The following PPP6R3 variants were observed in gnomAD, a reference collection of about 807,000 sequenced individuals.
PPP6R3 encodes the protein serine/threonine-protein phosphatase 6 regulatory subunit 3.
Under a neutral mutation model 110.7 loss-of-function variants are expected in PPP6R3, and 38 were observed. The observed-to-expected ratio is 0.34, with a 90% CI of 0.26 to 0.45. PPP6R3 has a LOEUF of 0.45. Ranked by LOEUF, PPP6R3 falls within the 20% of genes least tolerant of loss-of-function variation. The pLI, the probability that PPP6R3 is intolerant of heterozygous loss-of-function variation, is 1.00. For synonymous variants in PPP6R3, 369 were observed against 373.5 expected (o/e 0.99, Z 0.14); for missense variants, 870 against 1,062.4 (o/e 0.82, Z 2.52).
chr11:68,464,425 G>A (rs963049791), intron 1 of PPP6R3, among the ~76,000 whole-genome samples: 1 of 152,124 alleles, frequency 6.6e-6, no homozygotes, highest in Admixed American at 6.6e-5. Flanking sequence ...TACCATGCCC[G>A]GCCACGAGAA....
At chr11:68,599,885 AGGCCAAGGCGGGCGG>A (rs1193278060) in intron 19 of PPP6R3, among the ~76,000 whole-genome samples, 1 of 152,032 alleles carries the variant, frequency 6.6e-6, no homozygotes, top group African/African-American at 2.4e-5. Context: ...GCACTTTGGG[AGGCCAAGGCGGGCGG>A]TTCACGAGGT....
At position 68,614,094 on chromosome 11, in the gene PPP6R3, T is replaced by C. The variant is rs1944704097; in HGVS notation, c.*977T>C. 1.0e-6 allele frequency: 1 copy of C among 985,920 alleles called. No individual in the cohort carries two copies. Among genetic ancestry groups the C allele is most frequent in the Non-Finnish European group, 1.2e-6 (1 of 830,094 alleles). The allele number at this position is 985,920 out of a possible 1,614,324, so 61.1% of individuals were successfully genotyped here. On this transcript the variant is annotated 3_prime_UTR_variant, in exon 24 of 24. Transcript: ENST00000393800. ...AGTCAGTTGAAAATGCTCGTGCTGC[T>C]AATGGAATTAGAGTGCGTTCATTTT...
chr11:68,502,411 A>G (rs1054113249), intron 1 of PPP6R3, among the ~76,000 whole-genome samples: 3 of 152,194 alleles, frequency 2.0e-5, no homozygotes, highest in African/African-American at 7.2e-5. Context: ...CAGAGCATAT[A>G]TCAGAATTAT....
chr11:68,549,927 G>A (rs1409004427), intron 5 of PPP6R3, among the ~76,000 whole-genome samples: 1 of 152,186 alleles, frequency 6.6e-6, no homozygotes, highest in East Asian at 1.9e-4. Context: ...GAATAGCTGT[G>A]GAGACAGCAG....
intron 1 of PPP6R3, among the ~76,000 whole-genome samples, chr11:68,500,435 G>A (rs993456358): frequency 6.6e-6 from 1 of 152,164 alleles, no homozygotes; most frequent in Non-Finnish European, 1.5e-5. Context: ...GGATCTTGAG[G>A]AAGTTTCTCT....
At position 68,519,653 on chromosome 11, in the gene PPP6R3, T is replaced by C. The variant is rs1422426020; in HGVS notation, c.-7+2T>C. ...TAATTTTTAAACTTGGTTTGAAAGG[T>C]AAGACCATTACGATTAGCAGGAGTT... On this transcript the variant is annotated splice_donor_variant, in intron 2 of 23. Coordinates refer to ENST00000393800, the MANE Select transcript of PPP6R3 (RefSeq NM_001164161.2). LOFTEE classifies it low-confidence loss of function (5UTR_SPLICE). The C allele has an allele frequency of 2.5e-6, 1 of 398,542 alleles. No individual in the cohort carries two copies. The highest frequency in any genetic ancestry group is 4.4e-5 in the Admixed American group (1 of 22,726). 24.7% of individuals were successfully genotyped at this position (398,542 alleles called of 1,614,324 possible).
chr11:68,461,488 CGGGGGTGGG>C (rs2098707050), intron 1 of PPP6R3, among the ~76,000 whole-genome samples: 1 of 35,592 alleles, frequency 2.8e-5, no homozygotes, highest in African/African-American at 1.2e-4. Flanking sequence ...GTATTTGAGC[CGGGGGTGGG>C]GGGGGTGGGT....
chr11:68,603,191 T>G, intron 21 of PPP6R3, 151 bp from the exon 22 acceptor site: 1 of 973,430 alleles, frequency 1.0e-6, no homozygotes, highest in Non-Finnish European at 1.5e-6. Flanking sequence ...CCATCAAGAA[T>G]GTGGCCCAGA....
Position 68,548,203 on chromosome 11 carries a change from A to T in PPP6R3, c.551A>T (p.Asn184Ile), listed in dbSNP as rs1245556447. Residue 184 changes from asparagine to isoleucine, a missense_variant and splice_region_variant, in exon 5 of 24, where the codon AAT becomes ATT. Physicochemically the swap from Asn to Ile is moderately radical, Grantham distance 149. Coordinates refer to ENST00000393800, the MANE Select transcript of PPP6R3 (RefSeq NM_001164161.2). ...CCACAGCCCAGGCAAGATGTGCTGAATGTGAGTAGAATTCTGACCTGCTGT... is the reference window on the plus strand; with the variant it reads ...CCACAGCCCAGGCAAGATGTGCTGATTGTGAGTAGAATTCTGACCTGCTGT... ...EPPQPRQDVL[N>I]WLNEEKIIQR... 3.1e-6 allele frequency: 5 copies of T among 1,613,864 alleles called. No homozygotes were observed. The highest frequency in any genetic ancestry group is 1.3e-5 in the African/African-American group (1 of 74,922).
At chr11:68,512,662 A>C (rs529975300) in intron 1 of PPP6R3, among the ~76,000 whole-genome samples, 1 of 152,342 alleles carries the variant, frequency 6.6e-6, no homozygotes, top group South Asian at 2.1e-4. Context: ...TTGTGGACTC[A>C]GTTTTAGATG....
rs369781731 is a variant in PPP6R3 at position 68,577,998 on chromosome 11, G to A, written c.1545+1955G>A. Among the ~76,000 whole-genome samples the A allele has an allele frequency of 1.4e-4, 22 of 152,248 alleles. No individual in the cohort carries two copies. The South Asian group carries it at 3.9e-3, about 27-fold the overall frequency. The stretch of plus-strand genomic sequence containing the variant: ...TTGCTGTCTGTTGAGACTTTCAGGT[G>A]GATCTAAATACTTCTTCAATTCTTT... On this transcript the variant is annotated intron_variant, in intron 14 of 23. Transcript: ENST00000393800.
intron 23 of PPP6R3, among the ~76,000 whole-genome samples, chr11:68,611,855 G>T (rs1305778650): frequency 6.6e-6 from 1 of 152,186 alleles, no homozygotes; most frequent in Non-Finnish European, 1.5e-5. Context: ...TCTTTCCTGT[G>T]TGGTTCCCGT....
At chr11:68,543,054 G>C (rs2099328119) in intron 3 of PPP6R3, among the ~76,000 whole-genome samples, 1 of 152,166 alleles carries the variant, frequency 6.6e-6, no homozygotes, top group Non-Finnish European at 1.5e-5. Flanking sequence ...AATGAAAACA[G>C]CTGTCATTTA....
At chr11:68,525,468 T>G (rs1245865008) in intron 2 of PPP6R3, among the ~76,000 whole-genome samples, 2 of 152,200 alleles carry the variant, frequency 1.3e-5, no homozygotes, top group Non-Finnish European at 2.9e-5. Context: ...TTAATTTTTC[T>G]TGCACGTTAG....
chr11:68,461,494 T>TG (rs61434771), intron 1 of PPP6R3, among the ~76,000 whole-genome samples: 173 of 83,278 alleles, frequency 2.1e-3, no homozygotes, highest in South Asian at 2.9e-3. Context: ...GAGCCGGGGG[T>TG]GGGGGGGGTG....
In PPP6R3 at chr11:68,585,478, A is replaced by G. The variant is rs138062940; in HGVS notation, c.1632+2349A>G. 3.6e-3 allele frequency among the ~76,000 whole-genome samples: 547 copies of G among 152,354 alleles called. 6 individuals are homozygous for G. Among genetic ancestry groups the G allele is most frequent in the African/African-American group, 0.013 (524 of 41,582 alleles). On this transcript the variant is annotated intron_variant, in intron 15 of 23. Transcript: ENST00000393800. ...ACAGTTTCTGACTTTGGCCAGGATGACAGTACTAGGAAAGTGTGCTTTTTA... is the reference window on the plus strand; with the variant it reads ...ACAGTTTCTGACTTTGGCCAGGATGGCAGTACTAGGAAAGTGTGCTTTTTA...
rs533557942 is a variant in PPP6R3, at chr11:68,591,935, C to G, written c.1916+229C>G. On this transcript the variant is annotated intron_variant, in intron 18 of 23. Transcript: ENST00000393800. ...AGACACAGTTCGTGAGGTGTTGGGGCCCAGCGTCTTCCAAAGGGGAAATGT... is the reference window on the plus strand; with the variant it reads ...AGACACAGTTCGTGAGGTGTTGGGGGCCAGCGTCTTCCAAAGGGGAAATGT... 2.6e-5 allele frequency among the ~76,000 whole-genome samples: 4 copies of G among 152,232 alleles called. No individual in the cohort carries two copies. The South Asian group carries it at 6.2e-4, about 24-fold the overall frequency.
At chr11:68,594,513 AT>A (rs1270732070) in intron 18 of PPP6R3, among the ~76,000 whole-genome samples, 1 of 152,198 alleles carries the variant, frequency 6.6e-6, no homozygotes, top group African/African-American at 2.4e-5. Flanking sequence ...AAAAGAAAAA[AT>A]TTAAATATGT....
At chr11:68,566,913 C>T in intron 9 of PPP6R3, 101 bp from the exon 10 acceptor site, 1 of 959,106 alleles carries the variant, frequency 1.0e-6, no homozygotes, top group South Asian at 2.4e-5. Context: ...AAATTCAGGC[C>T]ATGTTGTTTG....
Sources: allele counts gnomAD v4.1 joint callset (sites outside exome capture counted in the v4.1 genomes callset), GRCh38; gene constraint gnomAD v4.1.1; transcripts MANE v1.5; gene names NCBI Gene and HGNC (gene_info 2026-07-23, HGNC 2026-07-21).